The following ANKFN1 variants were observed in gnomAD, a reference collection of about 807,000 sequenced individuals.
The protein encoded by ANKFN1 is ankyrin repeat and fibronectin type-III domain-containing protein 1.
In ANKFN1, 74 loss-of-function variants were observed where a neutral mutation model predicts 108.7. The ratio of observed to expected loss-of-function variants is 0.68; its 90% CI spans 0.56 to 0.83. ANKFN1 has a LOEUF of 0.83. Ranked by LOEUF, ANKFN1 falls within the 40% of genes least tolerant of loss-of-function variation. The pLI is 0.00. For missense variants in ANKFN1, 1,505 were observed against 1,382.3 expected (o/e 1.09, Z -1.41); for synonymous variants, 547 against 516.2 (o/e 1.06, Z -0.81).
intron 4 of ANKFN1, among the ~76,000 whole-genome samples, chr17:56,082,798 A>C (rs189172968): frequency 6.6e-6 from 1 of 152,294 alleles, no homozygotes; most frequent in East Asian, 1.9e-4. Context: ...TAGATGTTAG[A>C]TGTACCGTTC....
At position 56,511,178 on chromosome 17, in the gene ANKFN1, G is replaced by T; in HGVS notation, c.3350G>T (p.Arg1117Leu). Residue 1117 changes from arginine to leucine, a missense_variant, in exon 21 of 21, where the codon CGC (arginine) becomes CTC (leucine). Physicochemically the swap from Arg to Leu is moderately radical, Grantham distance 102 (BLOSUM62 -2). Coordinates refer to ENST00000682825, the MANE Select transcript of ANKFN1 (RefSeq NM_001370326.1). The part of the protein sequence containing the change: ...WASLSPPSGG[R>L]ITLPSPTGPD... ...AGCTTGAGCCCGCCCTCTGGAGGCC[G>T]CATCACCCTGCCCAGCCCCACTGGC... The T allele has an allele frequency of 6.5e-7, 1 of 1,536,014 alleles. No individual in the cohort carries two copies. Among genetic ancestry groups the T allele is most frequent in the Non-Finnish European group, 8.7e-7 (1 of 1,146,872 alleles).
chr17:56,484,296 G>T (rs2050793816), intron 18 of ANKFN1, among the ~76,000 whole-genome samples: 1 of 152,010 alleles, frequency 6.6e-6, no homozygotes, highest in Non-Finnish European at 1.5e-5. Context: ...CAGATGGGAA[G>T]CAGAGGTCAA....
intron 3 of ANKFN1, among the ~76,000 whole-genome samples, chr17:56,317,452 A>C (rs901406136): frequency 3.9e-5 from 6 of 152,222 alleles, no homozygotes; most frequent in African/African-American, 1.4e-4. Context: ...AAAGGCTAAA[A>C]AGCCCATTGT....
intron 8 of ANKFN1, among the ~76,000 whole-genome samples, chr17:56,399,930 TATATATACAGTG>T (rs960586490): frequency 5.4e-5 from 8 of 146,834 alleles, no homozygotes; most frequent in African/African-American, 2.0e-4. Flanking sequence ...TATATAGTGA[TATATATACAGTG>T]ATATATATAT....
Position 56,510,855 on chromosome 17 carries a change from C to G in ANKFN1, c.3027C>G (p.Gly1009=). ...AGCCAGGCAAGCACCCCCACTATGG[C>G]GGCTTCAGCCGCCATCATCGCTGGT... ...KRKPGKHPHY[G]GFSRHHRWLR... The change falls in exon 21 of 21, where the codon GGC becomes GGG. Residue 1009 remains glycine, a synonymous_variant. Coordinates refer to ENST00000682825, the MANE Select transcript of ANKFN1 (RefSeq NM_001370326.1). The G allele has an allele frequency of 6.5e-7, 1 of 1,536,082 alleles. No individual in the cohort carries two copies. Among genetic ancestry groups the G allele is most frequent in the Admixed American group, 2.0e-5 (1 of 50,992 alleles).
At chr17:56,082,585 A>G (rs1056307827) in intron 4 of ANKFN1, among the ~76,000 whole-genome samples, 1 of 152,250 alleles carries the variant, frequency 6.6e-6, no homozygotes, top group Non-Finnish European at 1.5e-5. Context: ...ACAGAAGCCC[A>G]GGAATTTCTA....
At chr17:56,402,119 A>G (rs901560931) in intron 8 of ANKFN1, among the ~76,000 whole-genome samples, 2 of 152,142 alleles carry the variant, frequency 1.3e-5, no homozygotes, top group East Asian at 1.9e-4. Context: ...GGATTTTAGC[A>G]TCTATGTTCA....
Position 56,467,798 on chromosome 17 carries a change from GAAAGAAAGAAAGA to G in ANKFN1, c.1773+1230_1773+1242del, listed in dbSNP as rs2050159181. On this transcript the variant is annotated intron_variant, in intron 15 of 20. Coordinates refer to ENST00000682825, the MANE Select transcript of ANKFN1 (RefSeq NM_001370326.1). ...AAGAAAGAAAGAAAGAAAGAAGAAA[GAAAGAAAGAAAGA>G]AAGAAAGAAAGAAAGAAAGAAAGAA... is the stretch of plus-strand genomic sequence containing the variant. Among the ~76,000 whole-genome samples, 57 of 30,876 alleles carry G rather than the reference GAAAGAAAGAAAGA, an allele frequency of 1.8e-3. 1 individual carries two copies. In the East Asian group the frequency reaches 0.03, roughly 16 times the overall value. 20.3% of individuals were successfully genotyped at this position (30,876 alleles called of 152,430 possible).
intron 20 of ANKFN1, among the ~76,000 whole-genome samples, chr17:56,501,566 A>G (rs1234948273): frequency 6.6e-6 from 1 of 152,236 alleles, no homozygotes; most frequent in African/African-American, 2.4e-5. Context: ...TCCGTAAAAA[A>G]GAAACATTCA....
intron 3 of ANKFN1, among the ~76,000 whole-genome samples, chr17:56,249,804 T>C (rs908458190): frequency 6.6e-6 from 1 of 152,090 alleles, no homozygotes. Context: ...TGTTGGTTTT[T>C]TGTAAGGAGG....
intron 6 of ANKFN1, among the ~76,000 whole-genome samples, chr17:56,364,349 A>G (rs1342751810): frequency 6.6e-6 from 1 of 152,176 alleles, no homozygotes; most frequent in African/African-American, 2.4e-5. Flanking sequence ...TAAATTGTAT[A>G]TTGATTGCAT....
At chr17:56,337,429 C>G (rs1179911092) in intron 4 of ANKFN1, among the ~76,000 whole-genome samples, 3 of 151,862 alleles carry the variant, frequency 2.0e-5, no homozygotes, top group Non-Finnish European at 4.4e-5. Flanking sequence ...ACTAAAACAC[C>G]AAAAGCAATG....
At chr17:56,499,985 AG>A (rs1392988055) in intron 20 of ANKFN1, among the ~76,000 whole-genome samples, 10 of 152,178 alleles carry the variant, frequency 6.6e-5, no homozygotes, top group African/African-American at 1.9e-4. Flanking sequence ...TTTGTCCCAT[AG>A]GGGGCAGCAT....
intron 4 of ANKFN1, among the ~76,000 whole-genome samples, chr17:56,136,048 A>G (rs1907583380): frequency 6.6e-6 from 1 of 152,206 alleles, no homozygotes; most frequent in Non-Finnish European, 1.5e-5. Flanking sequence ...TTTAGGGGCC[A>G]TCACATAAAA....
At chr17:56,150,136 A>G (rs778857468), upstream of ANKFN1, among the ~76,000 whole-genome samples, 23 of 152,148 alleles carry the variant, frequency 1.5e-4, no homozygotes, top group African/African-American at 2.4e-4. Context: ...GCAGACACCT[A>G]TGCACACACT....
intron 4 of ANKFN1, among the ~76,000 whole-genome samples, chr17:56,128,126 C>T (rs967108596): frequency 5.9e-5 from 9 of 152,128 alleles, no homozygotes; most frequent in Non-Finnish European, 8.8e-5. Flanking sequence ...ACTGTAACCA[C>T]CCAATACATC....
intron 8 of ANKFN1, among the ~76,000 whole-genome samples, chr17:56,410,023 C>T (rs572043461): frequency 6.6e-6 from 1 of 152,040 alleles, no homozygotes; most frequent in African/African-American, 2.4e-5. Context: ...AGAAGAAAAG[C>T]CAGGCCAATT....
chr17:56,076,657 T>C (rs1261210366), intron 4 of ANKFN1, among the ~76,000 whole-genome samples: 1 of 152,186 alleles, frequency 6.6e-6, no homozygotes, highest in Non-Finnish European at 1.5e-5. Flanking sequence ...ATCTGTGGAA[T>C]GGGATTGATA....
At position 56,144,185 on chromosome 17, in the gene ANKFN1, A is replaced by ACC. The variant is rs1555600057; in HGVS notation, c.289-83731_289-83730insCC. Among the ~76,000 whole-genome samples, 22 of 99,230 alleles carry ACC rather than the reference A, an allele frequency of 2.2e-4. 3 individuals carry two copies. Among genetic ancestry groups the ACC allele is most frequent in the Admixed American group, 7.2e-4 (7 of 9,718 alleles). The allele number at this position is 99,230 out of a possible 152,430, so 65.1% of individuals were successfully genotyped here. A position where few individuals can be genotyped will look rare whatever the true frequency, so the allele number is the denominator to read the frequency against. On this transcript the variant is annotated intron_variant, in intron 4 of 12. Coordinates refer to the ANKFN1 transcript ENST00000635860. ...AAAAAAAAAAAAAAAAAAAAAAAAA[A>ACC]CAGCCCAAACCAAATGAATGCAGAG...
Sources: gnomAD v4.1 joint callset for allele counts (sites outside exome capture counted in the v4.1 genomes callset) on GRCh38, gnomAD v4.1.1 for gene constraint, MANE v1.5 for transcripts, NCBI Gene and HGNC (gene_info 2026-07-23, HGNC 2026-07-21) for gene names.